Variants in KLF12 observed in about 807,000 individuals in gnomAD.
The protein encoded by KLF12 is Krueppel-like factor 12.
A neutral mutation model predicts 37.8 loss-of-function variants in KLF12; 9 were observed. The observed-to-expected ratio is 0.24, with a 90% CI of 0.14 to 0.42. The LOEUF is 0.42. Ranked by LOEUF, KLF12 falls within the 10% of genes least tolerant of loss-of-function variation. The probability of loss-of-function intolerance (pLI) is 1.00; values close to 1 mark genes in which losing one functional copy is unlikely to be tolerated. For missense variants in KLF12, 411 were observed against 516.0 expected (o/e 0.80, Z 1.97); for synonymous variants, 208 against 202.1 (o/e 1.03, Z -0.25).
In KLF12 at chr13:73,860,451, C is replaced by T. The variant is rs547590434; in HGVS notation, c.124-14078G>A. 5.3e-5 allele frequency among the ~76,000 whole-genome samples: 8 copies of T among 152,236 alleles called. No individual in the cohort carries two copies. In the South Asian group the frequency reaches 1.0e-3, roughly 20 times the overall value. On this transcript the variant is annotated intron_variant, in intron 3 of 7. Transcript: ENST00000377669. ...CTGGGTCTCAGATTGAATATATCTA[C>T]GGGCCACATGCAGTGGCTCACGCTT...
intron 4 of KLF12, among the ~76,000 whole-genome samples, chr13:73,829,490 G>T (rs1294331987): frequency 7.2e-5 from 11 of 151,926 alleles, no homozygotes; most frequent in Non-Finnish European, 1.3e-4. Flanking sequence ...GTTCTAGGTG[G>T]TATCATTTTT....
chr13:73,789,916 T>C (rs1287107629), intron 5 of KLF12, among the ~76,000 whole-genome samples: 4 of 152,136 alleles, frequency 2.6e-5, no homozygotes, highest in Non-Finnish European at 5.9e-5. Flanking sequence ...GACCTTGTGA[T>C]CCGCCCACCT....
At chr13:73,711,537 A>G (rs1159413162) in intron 7 of KLF12, among the ~76,000 whole-genome samples, 1 of 152,180 alleles carries the variant, frequency 6.6e-6, no homozygotes, top group African/African-American at 2.4e-5. Flanking sequence ...CTTGTGCTGT[A>G]TAAATGTAAC....
At position 73,896,430 on chromosome 13, in the gene KLF12, G is replaced by A. The variant is rs574392714; in HGVS notation, c.123+47551C>T. On this transcript the variant is annotated intron_variant, in intron 3 of 7. Coordinates refer to ENST00000377669, the MANE Select transcript of KLF12 (RefSeq NM_007249.5). ...TGAATGTCTATGTGCCAAGCAATAC[G>A]CATTCTGAGGATGATGGATGAACCC... Among the ~76,000 whole-genome samples the A allele has an allele frequency of 5.3e-5, 8 of 152,250 alleles. 1 individual carries two copies. The South Asian group carries it at 1.0e-3, about 20-fold the overall frequency.
the KLF12 span, among the ~76,000 whole-genome samples, chr13:74,171,705 T>C: frequency 6.6e-5 from 10 of 152,280 alleles, no homozygotes; most frequent in Non-Finnish European, 1.2e-4. Flanking sequence ...AAGAAAATTG[T>C]CTCCAGTAAC....
the KLF12 span, among the ~76,000 whole-genome samples, chr13:74,204,299 A>G: frequency 6.6e-6 from 1 of 152,124 alleles, no homozygotes; most frequent in East Asian, 1.9e-4. Flanking sequence ...TTCTTTTTTC[A>G]AATTTGTATA....
Position 74,128,040 on chromosome 13 carries a change from A to T in KLF12, c.-32+5699T>A, listed in dbSNP as rs868380784. Reference sequence around the variant, plus strand: ...GTAGCCTGCAGATTTTCAATCTCTAATCATTGTTCATCTTTATTTTCAATT... The same window carrying T: ...GTAGCCTGCAGATTTTCAATCTCTATTCATTGTTCATCTTTATTTTCAATT... On this transcript the variant is annotated intron_variant, in intron 1 of 7. Transcript: ENST00000377669. Among the ~76,000 whole-genome samples, 6 of 152,286 alleles carry T rather than the reference A, an allele frequency of 3.9e-5. No individual in the cohort carries two copies. The Middle Eastern group carries it at 0.014, about 345-fold the overall frequency.
intron 6 of KLF12, among the ~76,000 whole-genome samples, chr13:73,747,605 GTAA>G (rs1294213512): frequency 6.6e-6 from 1 of 152,160 alleles, no homozygotes; most frequent in Non-Finnish European, 1.5e-5. Context: ...GCATCCCCTT[GTAA>G]TAATAGTCAA....
At position 73,693,458 on chromosome 13, in the gene KLF12, A is replaced by G. The variant is rs528722158; in HGVS notation, c.*2032T>C. 73 of 152,332 alleles carry G rather than the reference A, an allele frequency of 4.8e-4. No individual in the cohort carries two copies. Among genetic ancestry groups the G allele is most frequent in the African/African-American group, 1.7e-3 (70 of 41,576 alleles). 9.4% of individuals were successfully genotyped at this position (152,332 alleles called of 1,614,324 possible). A position where few individuals can be genotyped will look rare whatever the true frequency, so the allele number is the denominator to read the frequency against. ...TGAGACCTGGCAGACAATATAGAGC[A>G]CATATTTGTGAAGCCATAATTTGAC... On this transcript the variant is annotated 3_prime_UTR_variant, in exon 8 of 8. Transcript: ENST00000377669.
At chr13:73,867,532 T>C (rs1221248436) in intron 3 of KLF12, among the ~76,000 whole-genome samples, 1 of 151,950 alleles carries the variant, frequency 6.6e-6, no homozygotes, top group Non-Finnish European at 1.5e-5. Context: ...ACAAATATAG[T>C]GTGAGATTTT....
At chr13:73,813,509 C>G (rs1950163853) in intron 4 of KLF12, among the ~76,000 whole-genome samples, 1 of 152,094 alleles carries the variant, frequency 6.6e-6, no homozygotes, top group African/African-American at 2.4e-5. Context: ...TCAAGAATTT[C>G]AGGGTATGGT....
chr13:74,089,714 T>C (rs951639136), intron 1 of KLF12, among the ~76,000 whole-genome samples: 12 of 144,910 alleles, frequency 8.3e-5, no homozygotes, highest in African/African-American at 2.3e-4. Flanking sequence ...ATAAAAGCAA[T>C]TGACAAAACA....
chr13:73,879,779 G>T (rs1398841555), intron 3 of KLF12, among the ~76,000 whole-genome samples: 1 of 152,150 alleles, frequency 6.6e-6, no homozygotes. Context: ...ATAAATAGTG[G>T]ACATGGAACA....
chr13:74,222,111 T>C, the KLF12 span, among the ~76,000 whole-genome samples: 1 of 152,190 alleles, frequency 6.6e-6, no homozygotes, highest in Non-Finnish European at 1.5e-5. Context: ...CACTTGTCAG[T>C]GTTGAATTTG....
intron 1 of KLF12, among the ~76,000 whole-genome samples, chr13:74,115,947 A>G (rs922726719): frequency 1.3e-5 from 2 of 152,172 alleles, no homozygotes; most frequent in African/African-American, 4.8e-5. Context: ...CCTTCCAAAC[A>G]AGGCAATATT....
chr13:73,801,493 A>G (rs1316617161), intron 5 of KLF12: 1 of 152,122 alleles, frequency 6.6e-6, no homozygotes, highest in East Asian at 1.9e-4. Context: ...CCGAGTATCT[A>G]TGTCAACACA....
chr13:74,156,278 T>C, the KLF12 span, among the ~76,000 whole-genome samples: 1 of 152,194 alleles, frequency 6.6e-6, no homozygotes, highest in African/African-American at 2.4e-5. Flanking sequence ...ATGGTCTAGT[T>C]ATGTTTCTTT....
At chr13:74,087,400 A>G (rs1417800737) in intron 1 of KLF12, among the ~76,000 whole-genome samples, 1 of 152,108 alleles carries the variant, frequency 6.6e-6, no homozygotes, top group African/African-American at 2.4e-5. Context: ...CTGGGCTCTA[A>G]GAGGAGAGGC....
At position 73,867,730 on chromosome 13, in the gene KLF12, C is replaced by T. The variant is rs143700926; in HGVS notation, c.124-21357G>A. On this transcript the variant is annotated intron_variant, in intron 3 of 7. Coordinates refer to ENST00000377669, the MANE Select transcript of KLF12 (RefSeq NM_007249.5). ...CACAATGCGACCCCACAGTGGGCTA[C>T]AAAGCAAGTCTTAACAAATCTAAAG... Among the ~76,000 whole-genome samples the T allele has an allele frequency of 8.4e-3, 1,284 of 152,226 alleles. 60 individuals carry two copies. The highest frequency in any genetic ancestry group is 0.07 in the Admixed American group (1,072 of 15,284).
Sources: gnomAD v4.1 joint callset for allele counts (sites outside exome capture counted in the v4.1 genomes callset) on GRCh38, gnomAD v4.1.1 for gene constraint, MANE v1.5 for transcripts, NCBI Gene and HGNC (gene_info 2026-07-23, HGNC 2026-07-21) for gene names.